Variants in NAALADL2 observed in about 807,000 individuals in gnomAD.
NAALADL2 encodes N-acetylated alpha-linked acidic dipeptidase like 2.
Under a neutral mutation model 87.2 loss-of-function variants are expected in NAALADL2, and 76 were observed. That is an observed-to-expected ratio of 0.87 (90% confidence interval 0.72 to 1.05). The LOEUF is 1.05. Ranked by LOEUF, NAALADL2 falls within the 50% of genes least tolerant of loss-of-function variation. The probability of loss-of-function intolerance (pLI) is 0.00; values close to 1 mark genes in which losing one functional copy is unlikely to be tolerated. For synonymous variants in NAALADL2, 354 were observed against 331.0 expected (o/e 1.07, Z -0.75); for missense variants, 1,089 against 945.8 (o/e 1.15, Z -1.99).
At chr3:175,295,473 T>C (rs1756198418) in intron 4 of NAALADL2, among the ~76,000 whole-genome samples, 1 of 152,146 alleles carries the variant, frequency 6.6e-6, no homozygotes, top group Non-Finnish European at 1.5e-5. Flanking sequence ...TAAGTCACCC[T>C]TGATTTCTCA....
chr3:174,681,413 C>T (rs1404222810), intron 2 of NAALADL2, among the ~76,000 whole-genome samples: 1 of 152,036 alleles, frequency 6.6e-6, no homozygotes, highest in African/African-American at 2.4e-5. Context: ...GCAGCATAGC[C>T]CACAGCTCTG....
chr3:175,102,749 T>A (rs1221253242), intron 2 of NAALADL2, among the ~76,000 whole-genome samples: 1 of 152,316 alleles, frequency 6.6e-6, no homozygotes, highest in South Asian at 2.1e-4. Flanking sequence ...TGTGAAATGA[T>A]CTTTATAAGC....
intron 2 of NAALADL2, among the ~76,000 whole-genome samples, chr3:174,710,725 A>G (rs567872869): frequency 6.6e-6 from 1 of 152,302 alleles, no homozygotes; most frequent in South Asian, 2.1e-4. Flanking sequence ...GCTGATAGCC[A>G]GCAAGGAAAT....
chr3:174,531,075 C>T (rs748093455), intron 1 of NAALADL2, among the ~76,000 whole-genome samples: 1 of 152,110 alleles, frequency 6.6e-6, no homozygotes, highest in Non-Finnish European at 1.5e-5. Flanking sequence ...CTATAATGAA[C>T]ATCATCTAGT....
chr3:175,792,723 G>A (rs1170755001), intron 13 of NAALADL2, among the ~76,000 whole-genome samples: 1 of 152,194 alleles, frequency 6.6e-6, no homozygotes, highest in Non-Finnish European at 1.5e-5. Context: ...CTTAACTGAC[G>A]TAATTGAAAA....
At chr3:175,462,101 C>T (rs1047092598) in intron 6 of NAALADL2, among the ~76,000 whole-genome samples, 1 of 152,084 alleles carries the variant, frequency 6.6e-6, no homozygotes, top group Admixed American at 6.6e-5. Flanking sequence ...AAACTATGGA[C>T]TTTATGTGTC....
At chr3:174,616,889 C>T (rs1720513832) in intron 2 of NAALADL2, among the ~76,000 whole-genome samples, 1 of 151,888 alleles carries the variant, frequency 6.6e-6, no homozygotes, top group Admixed American at 6.6e-5. Flanking sequence ...AACTTCAGTA[C>T]ATTTTTATAA....
intron 3 of NAALADL2, among the ~76,000 whole-genome samples, chr3:174,787,590 T>TATATATATATAC (rs1716866202): frequency 3.1e-5 from 2 of 64,488 alleles, no homozygotes; most frequent in Admixed American, 1.5e-4. Flanking sequence ...TATATATATA[T>TATATATATATAC]ATATATATAT....
At chr3:175,631,804 T>C (rs1727803707) in intron 11 of NAALADL2, among the ~76,000 whole-genome samples, 1 of 151,996 alleles carries the variant, frequency 6.6e-6, no homozygotes, top group Admixed American at 6.6e-5. Flanking sequence ...TGTTTTTAAA[T>C]AGGCTTATTT....
chr3:175,292,621 C>CACACACACACACCT (rs759687998), intron 4 of NAALADL2, among the ~76,000 whole-genome samples: 3 of 151,664 alleles, frequency 2.0e-5, no homozygotes, highest in African/African-American at 7.3e-5. Flanking sequence ...CACACACACA[C>CACACACACACACCT]ACCTGAGGGG....
intron 13 of NAALADL2, among the ~76,000 whole-genome samples, chr3:175,769,022 AGACTGTAAGATTAAT>A (rs1749124952): frequency 6.6e-6 from 1 of 152,204 alleles, no homozygotes; most frequent in African/African-American, 2.4e-5. Flanking sequence ...ACTCCTATCT[AGACTGTAAGATTAAT>A]GCCTATGGCT....
At chr3:175,385,423 G>T (rs1768258046) in intron 5 of NAALADL2, among the ~76,000 whole-genome samples, 1 of 151,892 alleles carries the variant, frequency 6.6e-6, no homozygotes, top group Non-Finnish European at 1.5e-5. Flanking sequence ...ACATATTTAT[G>T]TGCTGTCGGC....
intron 5 of NAALADL2, among the ~76,000 whole-genome samples, chr3:175,333,615 A>C (rs952976127): frequency 1.3e-4 from 20 of 152,160 alleles, no homozygotes; most frequent in African/African-American, 3.9e-4. Context: ...GAGCTAAAAA[A>C]TTAGTTTATA....
At chr3:174,699,443 AAGACCAC>A in intron 2 of NAALADL2, among the ~76,000 whole-genome samples, 1 of 151,850 alleles carries the variant, frequency 6.6e-6, no homozygotes, top group East Asian at 1.9e-4. Flanking sequence ...GCAGTGAGCC[AAGACCAC>A]ACCATTGCAT....
intron 10 of NAALADL2, among the ~76,000 whole-genome samples, chr3:175,599,017 G>A (rs1037818747): frequency 2.0e-5 from 3 of 152,122 alleles, no homozygotes; most frequent in East Asian, 1.9e-4. Flanking sequence ...GGCCTTGAGT[G>A]CAGGTGTTAC....
chr3:175,160,277 C>T (rs1377389224), intron 2 of NAALADL2, among the ~76,000 whole-genome samples: 1 of 146,392 alleles, frequency 6.8e-6, no homozygotes, highest in African/African-American at 2.5e-5. Context: ...ATTTGTTTTA[C>T]AAGGGGCTAA....
At chr3:174,556,878 C>T (rs2108503079) in intron 2 of NAALADL2, among the ~76,000 whole-genome samples, 1 of 152,180 alleles carries the variant, frequency 6.6e-6, no homozygotes, top group South Asian at 2.1e-4. Context: ...GTAGCTAGGA[C>T]TACAGGTACA....
At chr3:175,719,699 C>T (rs996523830) in intron 11 of NAALADL2, among the ~76,000 whole-genome samples, 19 of 152,154 alleles carry the variant, frequency 1.2e-4, no homozygotes, top group African/African-American at 4.6e-4. Flanking sequence ...ATCTGATAGC[C>T]AGTCTCACTT....
chr3:174,859,644 G>A (rs1726232513), intron 1 of NAALADL2, among the ~76,000 whole-genome samples, 194 bp downstream of exon 1: 1 of 152,080 alleles, frequency 6.6e-6, no homozygotes, highest in African/African-American at 2.4e-5. Context: ...GAGGAAGCAT[G>A]TTTTCTCAGT....
Sources: allele counts gnomAD v4.1 joint callset (sites outside exome capture counted in the v4.1 genomes callset), GRCh38; gene constraint gnomAD v4.1.1; transcripts MANE v1.5; gene names NCBI Gene and HGNC (gene_info 2026-07-23, HGNC 2026-07-21).